The following PIP5K1B variants were observed in gnomAD, a reference collection of about 807,000 sequenced individuals.
PIP5K1B encodes phosphatidylinositol-4-phosphate 5-kinase type 1 beta.
Under a neutral mutation model 67.0 loss-of-function variants are expected in PIP5K1B, and 42 were observed. The observed-to-expected ratio is 0.63, with a 90% CI of 0.49 to 0.81. PIP5K1B has a LOEUF of 0.81. Ranked by LOEUF, PIP5K1B falls within the 30% of genes least tolerant of loss-of-function variation. The probability of loss-of-function intolerance (pLI) is 0.00; values close to 1 mark genes in which losing one functional copy is unlikely to be tolerated. For missense variants in PIP5K1B, 459 were observed against 646.3 expected, an observed-to-expected ratio of 0.71 and a Z score of 3.14; for synonymous variants, 214 against 231.4, an observed-to-expected ratio of 0.92 and a Z score of 0.68.
At chr9:68,879,843 C>T (rs1824086432) in intron 6 of PIP5K1B, among the ~76,000 whole-genome samples, 1 of 151,822 alleles carries the variant, frequency 6.6e-6, no homozygotes, top group African/African-American at 2.4e-5. Context: ...AGAAAAAGTT[C>T]CCACCACAAA....
At chr9:68,895,180 C>G (rs1825015665) in intron 8 of PIP5K1B, among the ~76,000 whole-genome samples, 1 of 150,816 alleles carries the variant, frequency 6.6e-6, no homozygotes, top group Admixed American at 6.6e-5. Flanking sequence ...ATGAAGCTTG[C>G]CAATTAGGGC....
chr9:68,962,788 T>C (rs1398969977), intron 14 of PIP5K1B, among the ~76,000 whole-genome samples: 2 of 152,206 alleles, frequency 1.3e-5, no homozygotes, highest in African/African-American at 4.8e-5. Context: ...GTTTATCAGG[T>C]AAATAAGAGA....
At chr9:68,923,732 A>C (rs1320902742) in intron 12 of PIP5K1B, among the ~76,000 whole-genome samples, 1 of 152,232 alleles carries the variant, frequency 6.6e-6, no homozygotes, top group African/African-American at 2.4e-5. Flanking sequence ...TGTAGTTATC[A>C]GTCTGTATAC....
At chr9:68,805,260 G>C (rs1832808987) in intron 2 of PIP5K1B, among the ~76,000 whole-genome samples, 1 of 152,206 alleles carries the variant, frequency 6.6e-6, no homozygotes, top group Non-Finnish European at 1.5e-5. Flanking sequence ...AGGGTGGGAA[G>C]AATGGTGGAG....
intron 1 of PIP5K1B, among the ~76,000 whole-genome samples, chr9:68,735,563 T>C (rs143852104): frequency 9.9e-5 from 15 of 152,242 alleles, no homozygotes; most frequent in African/African-American, 3.6e-4. Context: ...TAATGTTTTG[T>C]ATTTTTAGTA....
intron 2 of PIP5K1B, among the ~76,000 whole-genome samples, chr9:68,758,115 C>A (rs1047148511): frequency 6.6e-6 from 1 of 152,152 alleles, no homozygotes; most frequent in Non-Finnish European, 1.5e-5. Context: ...AAGCTATTCA[C>A]GACAATTGCC....
At chr9:68,946,753 C>T (rs540544034) in intron 14 of PIP5K1B, among the ~76,000 whole-genome samples, 1 of 152,266 alleles carries the variant, frequency 6.6e-6, no homozygotes, top group South Asian at 2.1e-4. Context: ...TTCCTACCCC[C>T]ACCACCTCAG....
intron 13 of PIP5K1B, among the ~76,000 whole-genome samples, chr9:68,936,384 T>TTC (rs1827268680): frequency 6.6e-6 from 1 of 151,198 alleles, no homozygotes; most frequent in South Asian, 2.1e-4. Context: ...GTTTTTTTTT[T>TTC]AATTAATCAG....
intron 4 of PIP5K1B, among the ~76,000 whole-genome samples, chr9:68,824,513 AGGG>A (rs1833886195): frequency 6.6e-6 from 1 of 152,222 alleles, no homozygotes; most frequent in South Asian, 2.1e-4. Context: ...AGAAAACCTA[AGGG>A]GACCAGAAAT....
At chr9:68,837,773 A>G (rs181876756) in intron 4 of PIP5K1B, among the ~76,000 whole-genome samples, 7 of 151,944 alleles carry the variant, frequency 4.6e-5, no homozygotes, top group South Asian at 2.1e-4. Context: ...TTAATTTTCA[A>G]AAATTTCTTA....
intron 14 of PIP5K1B, among the ~76,000 whole-genome samples, chr9:68,965,820 G>A (rs561411358): frequency 6.6e-6 from 1 of 151,854 alleles, no homozygotes; most frequent in South Asian, 2.1e-4. Context: ...ACAAAAATTC[G>A]CCAGGCATGA....
chr9:68,818,622 T>C (rs1458099532), intron 3 of PIP5K1B, 77 bp downstream of exon 3: 1 of 152,542 alleles, frequency 6.6e-6, no homozygotes, highest in Non-Finnish European at 1.5e-5. Flanking sequence ...ATTGTAAATA[T>C]TTTTACAAAT....
intron 2 of PIP5K1B, among the ~76,000 whole-genome samples, chr9:68,792,351 T>C (rs1162285381): frequency 6.6e-6 from 1 of 152,350 alleles, no homozygotes; most frequent in East Asian, 1.9e-4. Flanking sequence ...TTTGTTTTAT[T>C]GAGTTCATGA....
chr9:68,780,147 C>G, intron 2 of PIP5K1B: 3 of 1,509,032 alleles, frequency 2.0e-6, no homozygotes, highest in Non-Finnish European at 2.6e-6. Flanking sequence ...GCACCTCCCC[C>G]GCCTCCCTGC....
chr9:68,969,809 G>A (rs1264484360), intron 14 of PIP5K1B, among the ~76,000 whole-genome samples: 1 of 152,096 alleles, frequency 6.6e-6, no homozygotes, highest in Non-Finnish European at 1.5e-5. Flanking sequence ...ATTGAAGAAA[G>A]GTCAAATATA....
chr9:68,872,074 A>G (rs2132298233), intron 5 of PIP5K1B, among the ~76,000 whole-genome samples: 1 of 152,348 alleles, frequency 6.6e-6, no homozygotes, highest in Non-Finnish European at 1.5e-5. Context: ...AAGCCTGTGG[A>G]CTTCAGGAGG....
intron 14 of PIP5K1B, among the ~76,000 whole-genome samples, chr9:68,960,992 T>C (rs938380487): frequency 2.8e-4 from 42 of 151,452 alleles, no homozygotes; most frequent in Non-Finnish European, 3.8e-4. Context: ...GGGTGGATCA[T>C]GAGGTCAGGA....
chr9:68,854,194 A>C (rs11144008), intron 4 of PIP5K1B, among the ~76,000 whole-genome samples: 11,883 of 150,234 alleles, frequency 0.079, 796 homozygotes, highest in East Asian at 0.22. Context: ...GCAGTGGCAC[A>C]ATCACAGCTC....
intron 1 of PIP5K1B, among the ~76,000 whole-genome samples, chr9:68,717,472 A>T (rs1468897006): frequency 6.6e-6 from 1 of 152,208 alleles, no homozygotes; most frequent in African/African-American, 2.4e-5. Context: ...GGTGGTTCAT[A>T]AACAAAAACA....
Sources: gnomAD v4.1 joint callset for allele counts (sites outside exome capture counted in the v4.1 genomes callset) on GRCh38, gnomAD v4.1.1 for gene constraint, MANE v1.5 for transcripts, NCBI Gene and HGNC (gene_info 2026-07-23, HGNC 2026-07-21) for gene names.